The following PLB1 variants were observed in gnomAD, a reference collection of about 807,000 sequenced individuals.
PLB1 encodes the protein phospholipase B1.
A neutral mutation model predicts 227.4 loss-of-function variants in PLB1; 242 were observed. The ratio of observed to expected loss-of-function variants is 1.06; its 90% CI spans 0.96 to 1.18. The LOEUF (loss-of-function observed/expected upper bound fraction) is 1.18, where lower values mean the gene tolerates loss of function less well. Among genes scored for constraint, PLB1 ranks in the 50% most tolerant of loss-of-function variants. The probability of loss-of-function intolerance (pLI) is 0.00; values close to 1 mark genes in which losing one functional copy is unlikely to be tolerated. For synonymous variants in PLB1, 757 were observed against 682.2 expected (o/e 1.11, Z -1.71); for missense variants, 1,858 against 1,816.3 (o/e 1.02, Z -0.42).
chr2:28,580,764 G>C (rs1452469518), intron 23 of PLB1, among the ~76,000 whole-genome samples: 3 of 151,990 alleles, frequency 2.0e-5, no homozygotes, highest in African/African-American at 7.3e-5. Context: ...TGGGAAAGGG[G>C]GTTGTTGGAG....
At chr2:28,639,986 AC>A (rs975467011) in intron 56 of PLB1, among the ~76,000 whole-genome samples, 46 of 152,128 alleles carry the variant, frequency 3.0e-4, no homozygotes, top group Admixed American at 2.5e-3. Context: ...CAGTCTAGTC[AC>A]CCTAGCATCT....
At chr2:28,585,902 C>T (rs897152570) in intron 26 of PLB1, 60 bp downstream of exon 26, 2 of 1,436,930 alleles carry the variant, frequency 1.4e-6, no homozygotes, top group African/African-American at 1.4e-5. Flanking sequence ...ATTGCTCTGT[C>T]TAGAGAACAA....
intron 54 of PLB1, among the ~76,000 whole-genome samples, chr2:28,631,795 CAGG>C (rs1688669640): frequency 6.6e-6 from 1 of 152,212 alleles, no homozygotes; most frequent in South Asian, 2.1e-4. Flanking sequence ...CTTCTCCCAC[CAGG>C]AGCCGCTGGG....
chr2:28,626,561 G>A (rs1452584000), intron 51 of PLB1, 53 bp downstream of exon 51: 1 of 1,511,720 alleles, frequency 6.6e-7, no homozygotes, highest in Non-Finnish European at 9.2e-7. Flanking sequence ...GCTGACCTCT[G>A]GCAACATCCT....
In PLB1 at chr2:28,582,518, C is replaced by T. The variant is rs755496965; in HGVS notation, c.1733+13C>T. On this transcript the variant is annotated intron_variant, in intron 25 of 57. Coordinates refer to ENST00000327757, the MANE Select transcript of PLB1 (RefSeq NM_153021.5). Reference sequence around the variant, plus strand: ...GGATGATCCTCAGGTCAGACAGATACTTCTCCCCGATTCTACTAAGAATCC... The same window carrying T: ...GGATGATCCTCAGGTCAGACAGATATTTCTCCCCGATTCTACTAAGAATCC... 5 of 1,573,844 alleles carry T rather than the reference C, an allele frequency of 3.2e-6. No homozygotes were observed. The highest frequency in any genetic ancestry group is 2.7e-5 in the African/African-American group (2 of 74,064).
rs180925043 is a variant in PLB1 at position 28,564,350 on chromosome 2, C to T, written c.1207-930C>T. Among the ~76,000 whole-genome samples the T allele has an allele frequency of 2.3e-3, 343 of 152,316 alleles. 1 individual carries two copies. The highest frequency in any genetic ancestry group is 0.01 in the Middle Eastern group (3 of 294). ...AAATCAGGGATCCTGACCCTAAGTC[C>T]AGGGCCCTATCCCTATGCTGTGGCA... On this transcript the variant is annotated intron_variant, in intron 18 of 57. Coordinates refer to ENST00000327757, the MANE Select transcript of PLB1 (RefSeq NM_153021.5).
At chr2:28,622,365 A>G (rs948458434) in intron 49 of PLB1, among the ~76,000 whole-genome samples, 10 of 152,234 alleles carry the variant, frequency 6.6e-5, no homozygotes, top group Admixed American at 6.5e-4. Flanking sequence ...GGATAATAAT[A>G]GTACTTCTCA....
rs760674094 is a variant in PLB1 at position 28,592,708 on chromosome 2, G to T, written c.2236G>T (p.Asp746Tyr). The T allele has an allele frequency of 2.1e-5, 34 of 1,614,120 alleles. No homozygotes were observed. Among genetic ancestry groups the T allele is most frequent in the Non-Finnish European group, 2.8e-5 (33 of 1,180,002 alleles). The change falls in exon 32 of 58, where the codon GAT becomes TAT. Residue 746 changes from aspartate to tyrosine, a missense_variant. Physicochemically the swap from Asp to Tyr is radical, Grantham distance 160. Coordinates refer to ENST00000327757, the MANE Select transcript of PLB1 (RefSeq NM_153021.5). ...ADIQVVAALG[D>Y]SLTAGNGIGS... ...CATCCAAGTTGTGGCTGCTCTGGGG[G>T]ATTCTCTGACCGTAAGGACTCTTGG...
intron 43 of PLB1, among the ~76,000 whole-genome samples, chr2:28,607,171 G>A (rs1006211982): frequency 1.3e-5 from 2 of 152,178 alleles, no homozygotes; most frequent in African/African-American, 4.8e-5. Context: ...GTGGGGGCAG[G>A]TTCTCATTGT....
At chr2:28,524,536 A>C (rs1294838103) in intron 4 of PLB1, among the ~76,000 whole-genome samples, 2 of 151,714 alleles carry the variant, frequency 1.3e-5, no homozygotes, top group Non-Finnish European at 2.9e-5. Flanking sequence ...CAACACACCC[A>C]GGCACTGTTC....
At position 28,534,329 on chromosome 2, in the gene PLB1, G is replaced by C. The variant is rs1671394160; in HGVS notation, c.555+2135G>C. ...TTGACTATGTGGAAGAGTTTTCCTAGATACAGTGATTTTCAAATTGTGGAC... is the reference window on the plus strand; with the variant it reads ...TTGACTATGTGGAAGAGTTTTCCTACATACAGTGATTTTCAAATTGTGGAC... On this transcript the variant is annotated intron_variant, in intron 9 of 57. Coordinates refer to ENST00000327757, the MANE Select transcript of PLB1 (RefSeq NM_153021.5). Among the ~76,000 whole-genome samples, 3 of 152,100 alleles carry C rather than the reference G, an allele frequency of 2.0e-5. No homozygotes were observed. The South Asian group carries it at 6.2e-4, about 32-fold the overall frequency.
At chr2:28,599,589 C>A (rs60501996) in intron 35 of PLB1, among the ~76,000 whole-genome samples, 8 of 152,144 alleles carry the variant, frequency 5.3e-5, no homozygotes, top group Non-Finnish European at 1.2e-4. Context: ...GGAGCACAGA[C>A]GCCTGAAATC....
chr2:28,560,616 G>A (rs1416397576), intron 17 of PLB1, among the ~76,000 whole-genome samples: 10 of 152,160 alleles, frequency 6.6e-5, no homozygotes, highest in Admixed American at 5.9e-4. Flanking sequence ...CCACAGCCTA[G>A]GTGACAGAGT....
At chr2:28,551,396 G>GT (rs1448606639) in intron 16 of PLB1, among the ~76,000 whole-genome samples, 23 of 152,254 alleles carry the variant, frequency 1.5e-4, no homozygotes, top group Non-Finnish European at 1.5e-5. Flanking sequence ...CTTTCCCAGA[G>GT]AAGGGGGGAC....
chr2:28,620,996 A>C lies in PLB1; in HGVS notation c.3527+18A>C, dbSNP rs1203810065. The C allele has an allele frequency of 6.3e-7, 1 of 1,589,254 alleles. No homozygotes were observed. The highest frequency in any genetic ancestry group is 2.2e-5 in the East Asian group (1 of 44,784). On this transcript the variant is annotated intron_variant, in intron 49 of 57. Coordinates refer to ENST00000327757, the MANE Select transcript of PLB1 (RefSeq NM_153021.5). ...AGAGCTAGGTGAGTAGATGCCGTAC[A>C]GGAGGGCGAGTGGAAGGCAAGACTG...
In PLB1 at chr2:28,565,295, G is replaced by A. The variant is rs1253107188; in HGVS notation, c.1222G>A (p.Gly408Arg). Reference sequence around the variant, plus strand: ...TCCCTCTCAGGCAGGCAATGGGGCCGGGTCCACACCTGGGAACGTCTTGGA... The same window carrying A: ...TCCCTCTCAGGCAGGCAATGGGGCCAGGTCCACACCTGGGAACGTCTTGGA... ...GDSLTAGNGA[G>R]STPGNVLDVL... Residue 408 changes from glycine to arginine, a missense_variant, in exon 19 of 58, where the codon GGG becomes AGG. Gly to Arg is a moderately radical substitution (Grantham distance 125, BLOSUM62 -2). Coordinates refer to ENST00000327757, the MANE Select transcript of PLB1 (RefSeq NM_153021.5). 1.2e-5 allele frequency: 20 copies of A among 1,611,924 alleles called. 1 individual carries two copies. The highest frequency in any genetic ancestry group is 3.3e-4 in the Middle Eastern group (2 of 6,062).
intron 43 of PLB1, 115 bp from the exon 44 acceptor site, chr2:28,613,916 A>G: frequency 1.2e-6 from 1 of 854,846 alleles, no homozygotes; most frequent in Non-Finnish European, 1.9e-6. Context: ...TTTCTATATA[A>G]GTGCAGAAGA....
At chr2:28,596,647 T>TA (rs1347586069) in intron 33 of PLB1, among the ~76,000 whole-genome samples, 3 of 152,180 alleles carry the variant, frequency 2.0e-5, no homozygotes, top group African/African-American at 7.2e-5. Flanking sequence ...AAAGAAGGAT[T>TA]AGAAAGCAAC....
At chr2:28,541,514 G>A (rs1400483942) in intron 12 of PLB1, among the ~76,000 whole-genome samples, 193 bp from the exon 13 acceptor site, 2 of 152,210 alleles carry the variant, frequency 1.3e-5, no homozygotes, top group Admixed American at 1.3e-4. Flanking sequence ...GTACTTCAGA[G>A]ACAAATGAAA....
Sources: allele counts gnomAD v4.1 joint callset (sites outside exome capture counted in the v4.1 genomes callset), GRCh38; gene constraint gnomAD v4.1.1; transcripts MANE v1.5; gene names NCBI Gene and HGNC (gene_info 2026-07-23, HGNC 2026-07-21).